MARCO: variants seen among roughly 807,000 people sequenced by gnomAD.
The protein encoded by MARCO is macrophage receptor with collagenous structure.
A neutral mutation model predicts 70.0 loss-of-function variants in MARCO; 72 were observed. The ratio of observed to expected loss-of-function variants is 1.03; its 90% confidence interval spans 0.85 to 1.25. The LOEUF (loss-of-function observed/expected upper bound fraction) is 1.25, where lower values mean the gene tolerates loss of function less well. MARCO is among the 50% of genes most tolerant of loss of function. The pLI is 0.00. For synonymous variants in MARCO, 273 were observed against 243.1 expected (o/e 1.12, Z -1.14); for missense variants, 696 against 659.3 (o/e 1.06, Z -0.61).
At chr2:118,969,881 C>T (rs180873284) in intron 2 of MARCO, among the ~76,000 whole-genome samples, 110 of 152,326 alleles carry the variant, frequency 7.2e-4, no homozygotes, top group Non-Finnish European at 1.6e-4. Flanking sequence ...GCAGTAGGCA[C>T]AGCTTTAGGC....
At chr2:118,954,331 C>G (rs577108733) in intron 1 of MARCO, among the ~76,000 whole-genome samples, 7 of 152,248 alleles carry the variant, frequency 4.6e-5, no homozygotes, top group Non-Finnish European at 8.8e-5. Context: ...CATGACTCAG[C>G]AGAGGCAGCC....
At chr2:118,945,535 C>A (rs1004124126) in intron 1 of MARCO, among the ~76,000 whole-genome samples, 1 of 151,782 alleles carries the variant, frequency 6.6e-6, no homozygotes, top group African/African-American at 2.4e-5. Flanking sequence ...GACTCAGTCT[C>A]CCTAGTAGCT....
intron 8 of MARCO, 29 bp from the exon 9 acceptor site, chr2:118,981,380 C>G: frequency 6.7e-7 from 1 of 1,495,452 alleles, no homozygotes; most frequent in Non-Finnish European, 9.2e-7. Flanking sequence ...GTTCCTCCCA[C>G]AACTAACCAA....
Position 118,952,275 on chromosome 2 carries a change from G to T in MARCO, c.97+9878G>T, listed in dbSNP as rs191992985. On this transcript the variant is annotated intron_variant, in intron 1 of 16. Transcript: ENST00000327097. The stretch of plus-strand genomic sequence containing the variant: ...GTGTCTTGCCTTGCCTGCCCTGGGA[G>T]GTTGACCTGGTTTCTCCCTTCCCCT... Among the ~76,000 whole-genome samples the T allele has an allele frequency of 1.3e-4, 20 of 152,236 alleles. No individual in the cohort carries two copies. The East Asian group carries it at 3.7e-3, about 28-fold the overall frequency.
At chr2:118,966,503 G>C (rs1196533755) in intron 1 of MARCO, among the ~76,000 whole-genome samples, 1 of 152,130 alleles carries the variant, frequency 6.6e-6, no homozygotes, top group Non-Finnish European at 1.5e-5. Flanking sequence ...TAGGTCTACA[G>C]GCTCAACATT....
At chr2:118,960,593 G>A (rs1573383252) in intron 1 of MARCO, among the ~76,000 whole-genome samples, 1 of 152,114 alleles carries the variant, frequency 6.6e-6, no homozygotes, top group East Asian at 1.9e-4. Context: ...TTGCTGATCT[G>A]GTGGAATATA....
chr2:118,962,124 T>G (rs559718305), intron 1 of MARCO, among the ~76,000 whole-genome samples: 131 of 152,346 alleles, frequency 8.6e-4, no homozygotes, highest in Non-Finnish European at 1.5e-3. Context: ...TACTGTAGAC[T>G]TGTAGAATAG....
At chr2:118,955,605 C>G (rs981743644) in intron 1 of MARCO, among the ~76,000 whole-genome samples, 2 of 152,138 alleles carry the variant, frequency 1.3e-5, no homozygotes, top group African/African-American at 4.8e-5. Context: ...ACAAAGAAGA[C>G]CTGGGAAATT....
intron 10 of MARCO, 44 bp from the exon 11 acceptor site, chr2:118,982,112 C>T (rs775372690): frequency 6.9e-7 from 1 of 1,459,734 alleles, no homozygotes; most frequent in Non-Finnish European, 9.5e-7. Flanking sequence ...TATCTGGGCC[C>T]TCTGCCAACC....
intron 6 of MARCO, among the ~76,000 whole-genome samples, chr2:118,977,077 G>A (rs1177052460): frequency 6.6e-6 from 1 of 152,194 alleles, no homozygotes; most frequent in Admixed American, 6.5e-5. Flanking sequence ...TCTCACAAGA[G>A]CAGGAACTCA....
At chr2:118,971,287 G>A (rs546948905) in intron 3 of MARCO, among the ~76,000 whole-genome samples, 16 of 152,160 alleles carry the variant, frequency 1.1e-4, no homozygotes, top group Admixed American at 7.9e-4. Flanking sequence ...GGTGCAGTCC[G>A]CTAGTTGCAG....
chr2:118,981,569 G>A lies in MARCO; in HGVS notation c.866-52G>A, dbSNP rs112408108. The A allele has an allele frequency of 1.6e-5, 25 of 1,530,326 alleles. No individual in the cohort carries two copies. In the African/African-American group the frequency reaches 2.4e-4, roughly 15 times the overall value. The allele number at this position is 1,530,326 out of a possible 1,614,324, so 94.8% of individuals were successfully genotyped here. On this transcript the variant is annotated intron_variant, in intron 9 of 16. Coordinates refer to ENST00000327097, the MANE Select transcript of MARCO (RefSeq NM_006770.4). ...GTATTTCCTTTTTTTTTTTTTTCTG[G>A]CTGGCTGAGCCAAAGGAAAAAAAAA...
At chr2:118,969,607 A>G (rs1680123281) in intron 2 of MARCO, among the ~76,000 whole-genome samples, 1 of 152,210 alleles carries the variant, frequency 6.6e-6, no homozygotes, top group Non-Finnish European at 1.5e-5. Flanking sequence ...TGCTGATCCA[A>G]GTGTCCATTT....
intron 1 of MARCO, among the ~76,000 whole-genome samples, chr2:118,948,780 G>C (rs1014378982): frequency 2.0e-5 from 3 of 151,588 alleles, no homozygotes; most frequent in Non-Finnish European, 2.9e-5. Flanking sequence ...TATAGTTGTT[G>C]AAGAGGTAAG....
In MARCO at chr2:118,977,823, T is replaced by A. The variant is rs768998845; in HGVS notation, c.659-5T>A. On this transcript the variant is annotated splice_region_variant and splice_polypyrimidine_tract_variant and intron_variant, in intron 7 of 16. Coordinates refer to ENST00000327097, the MANE Select transcript of MARCO (RefSeq NM_006770.4). ...AGCCCATCTCACCAGCCATTCTCTT[T>A]GCAGGCACCCCAGGACCCCAAGGAG... 1.9e-6 allele frequency: 3 copies of A among 1,608,726 alleles called. No individual in the cohort carries two copies. In the South Asian group the frequency reaches 3.3e-5, roughly 18 times the overall value.
At chr2:118,971,378 C>G (rs1056432671) in intron 3 of MARCO, 121 bp from the exon 4 acceptor site, 7 of 953,356 alleles carry the variant, frequency 7.3e-6, no homozygotes, top group Non-Finnish European at 1.2e-5. Context: ...CCCCCACAGT[C>G]TGATGGGAGC....
intron 1 of MARCO, chr2:118,952,547 A>G (rs1679743471): frequency 6.6e-6 from 1 of 152,226 alleles, no homozygotes. Context: ...ACGCACATGT[A>G]CATTTAGCCC....
chr2:118,946,036 C>T (rs1445757836), intron 1 of MARCO, among the ~76,000 whole-genome samples: 1 of 152,150 alleles, frequency 6.6e-6, no homozygotes, highest in East Asian at 1.9e-4. Context: ...CAATATTTCT[C>T]AACATCTTTT....
At chr2:118,954,033 T>C (rs1679779453) in intron 1 of MARCO, among the ~76,000 whole-genome samples, 1 of 152,108 alleles carries the variant, frequency 6.6e-6, no homozygotes, top group Admixed American at 6.5e-5. Flanking sequence ...TAGCTGAACT[T>C]TGTAACAATT....
Sources: allele counts gnomAD v4.1 joint callset (sites outside exome capture counted in the v4.1 genomes callset), GRCh38; gene constraint gnomAD v4.1.1; transcripts MANE v1.5; gene names NCBI Gene and HGNC (gene_info 2026-07-23, HGNC 2026-07-21).